Variants in PLEKHA5 observed in about 807,000 individuals in gnomAD.
PLEKHA5 encodes pleckstrin homology domain containing A5, also known as pleckstrin homology domain-containing family A member 5.
A neutral mutation model predicts 181.9 loss-of-function variants in PLEKHA5; 55 were observed. The ratio of observed to expected loss-of-function variants is 0.30; its 90% confidence interval spans 0.24 to 0.38. The LOEUF is 0.38. Among genes scored for constraint, PLEKHA5 ranks in the 10% least tolerant of loss-of-function variants. The probability of loss-of-function intolerance (pLI) is 1.00; values close to 1 mark genes in which losing one functional copy is unlikely to be tolerated. For synonymous variants in PLEKHA5, 535 were observed against 529.4 expected, an observed-to-expected ratio of 1.01 and a Z score of -0.15; for missense variants, 1,432 against 1,549.5, an observed-to-expected ratio of 0.92 and a Z score of 1.27.
intron 20 of PLEKHA5, among the ~76,000 whole-genome samples, chr12:19,327,863 T>A (rs1475791222): frequency 6.6e-6 from 1 of 152,132 alleles, no homozygotes; most frequent in Non-Finnish European, 1.5e-5. Context: ...CAGGCTGGTC[T>A]TGAACTCCAA....
chr12:19,281,964 C>A (rs1158660891), intron 11 of PLEKHA5, among the ~76,000 whole-genome samples: 1 of 151,698 alleles, frequency 6.6e-6, no homozygotes, highest in Non-Finnish European at 1.5e-5. Context: ...TTGTATTTTT[C>A]GAAGAGACGG....
At chr12:19,211,037 G>A (rs2056788128) in intron 3 of PLEKHA5, among the ~76,000 whole-genome samples, 1 of 152,000 alleles carries the variant, frequency 6.6e-6, no homozygotes, top group South Asian at 2.1e-4. Context: ...GCTTAAGGAG[G>A]TATTGTCTAG....
At chr12:19,343,230 T>G in intron 21 of PLEKHA5, 93 bp from the exon 22 acceptor site, 2 of 664,472 alleles carry the variant, frequency 3.0e-6, no homozygotes, top group Non-Finnish European at 4.9e-6. Flanking sequence ...CAATTTGCAT[T>G]TTTAGATGTA....
chr12:19,297,491 G>A (rs1270094561), intron 15 of PLEKHA5, among the ~76,000 whole-genome samples: 1 of 150,770 alleles, frequency 6.6e-6, no homozygotes. Flanking sequence ...GCGCGGTGGC[G>A]GGCGCCTGTA....
chr12:19,295,844 C>T (rs1338346461), intron 15 of PLEKHA5, among the ~76,000 whole-genome samples: 1 of 152,124 alleles, frequency 6.6e-6, no homozygotes, highest in East Asian at 1.9e-4. Context: ...CAAGCCAGGC[C>T]ATGAAAGATA....
intron 3 of PLEKHA5, among the ~76,000 whole-genome samples, chr12:19,132,923 C>CTTTT: frequency 8.5e-6 from 1 of 118,264 alleles, no homozygotes; most frequent in Non-Finnish European, 1.8e-5. Flanking sequence ...ACGTGAACAT[C>CTTTT]TTTTTTTTTT....
chr12:19,131,526 T>C (rs1268299800), intron 2 of PLEKHA5, among the ~76,000 whole-genome samples: 5 of 152,234 alleles, frequency 3.3e-5, no homozygotes, highest in African/African-American at 1.2e-4. Context: ...ATGATAGATT[T>C]ATTTCATGAA....
chr12:19,271,382 G>A (rs1288363884), intron 10 of PLEKHA5, among the ~76,000 whole-genome samples: 1 of 152,076 alleles, frequency 6.6e-6, no homozygotes, highest in Non-Finnish European at 1.5e-5. Flanking sequence ...CCACACTCTT[G>A]TAGTCCCTGC....
chr12:19,257,930 T>C (rs1042653880), intron 6 of PLEKHA5, among the ~76,000 whole-genome samples: 9 of 152,018 alleles, frequency 5.9e-5, no homozygotes, highest in Non-Finnish European at 1.2e-4. Flanking sequence ...TAGAGAAATA[T>C]ACAGTTGTAT....
intron 20 of PLEKHA5, among the ~76,000 whole-genome samples, chr12:19,328,522 A>G (rs2092488304): frequency 6.6e-6 from 1 of 151,712 alleles, no homozygotes; most frequent in African/African-American, 2.4e-5. Flanking sequence ...CTTCCTATAG[A>G]CATCTTTCAC....
chr12:19,129,909 C>A, intron 1 of PLEKHA5, 21 bp downstream of exon 1: 2 of 1,571,560 alleles, frequency 1.3e-6, no homozygotes, highest in South Asian at 1.1e-5. Flanking sequence ...GGGGACGGCA[C>A]GGGGGCCCGC....
At chr12:19,248,838 G>A (rs2064456774) in intron 3 of PLEKHA5, among the ~76,000 whole-genome samples, 1 of 152,106 alleles carries the variant, frequency 6.6e-6, no homozygotes, top group African/African-American at 2.4e-5. Flanking sequence ...TAGGCACGAA[G>A]TTAAACTTTT....
intron 11 of PLEKHA5, among the ~76,000 whole-genome samples, chr12:19,279,130 A>G (rs2075384943): frequency 6.6e-6 from 1 of 152,332 alleles, no homozygotes; most frequent in Admixed American, 6.5e-5. Flanking sequence ...CTCTGGTGCG[A>G]TAAGATTATA....
chr12:19,225,461 G>T (rs1475682779), intron 3 of PLEKHA5, among the ~76,000 whole-genome samples: 1 of 152,100 alleles, frequency 6.6e-6, no homozygotes, highest in Non-Finnish European at 1.5e-5. Flanking sequence ...AGCATTTGTG[G>T]AGTTTTAGTA....
At position 19,269,682 on chromosome 12, in the gene PLEKHA5, T is replaced by C. The variant is rs1047128730; in HGVS notation, c.712-88T>C. On this transcript the variant is annotated intron_variant, in intron 8 of 31. Coordinates refer to ENST00000429027, the MANE Select transcript of PLEKHA5 (RefSeq NM_001256470.2). Reference sequence around the variant, plus strand: ...TTTCTCTGAAATTTGATAGCAACGTTCTATGTCAGGAATCACTTACCTTTT... The same window carrying C: ...TTTCTCTGAAATTTGATAGCAACGTCCTATGTCAGGAATCACTTACCTTTT... The C allele has an allele frequency of 3.9e-5, 24 of 616,874 alleles. No homozygotes were observed. In the African/African-American group the frequency reaches 4.5e-4, roughly 11 times the overall value. The allele number at this position is 616,874 out of a possible 1,614,324, so 38.2% of individuals were successfully genotyped here.
chr12:19,223,738 A>T (rs906426061), intron 3 of PLEKHA5, among the ~76,000 whole-genome samples: 2 of 152,158 alleles, frequency 1.3e-5, no homozygotes, highest in African/African-American at 4.8e-5. Flanking sequence ...ATCAGAGATT[A>T]ACTCAAAACA....
intron 3 of PLEKHA5, among the ~76,000 whole-genome samples, chr12:19,158,440 T>C (rs561546943): frequency 4.7e-4 from 72 of 152,372 alleles, no homozygotes; most frequent in Non-Finnish European, 6.8e-4. Flanking sequence ...GGCTGTGGTA[T>C]GCTGGTGGCA....
chr12:19,355,609 G>A (rs2094885475), intron 26 of PLEKHA5, among the ~76,000 whole-genome samples: 1 of 151,120 alleles, frequency 6.6e-6, no homozygotes, highest in Non-Finnish European at 1.5e-5. Flanking sequence ...CAACTACAAA[G>A]TACATGCCAA....
In PLEKHA5 at chr12:19,346,021, G is replaced by A. The variant is rs148544879; in HGVS notation, c.2709+133G>A. On this transcript the variant is annotated intron_variant, in intron 23 of 31. Coordinates refer to ENST00000429027, the MANE Select transcript of PLEKHA5 (RefSeq NM_001256470.2). Reference sequence around the variant, plus strand: ...ATTGAACAGATATTGTTTTAGTCTTGAAATTTTATTGGATCAGTAATTTGG... The same window carrying A: ...ATTGAACAGATATTGTTTTAGTCTTAAAATTTTATTGGATCAGTAATTTGG... The A allele has an allele frequency of 1.9e-3, 839 of 440,692 alleles. 5 individuals carry two copies. Among genetic ancestry groups the A allele is most frequent in the African/African-American group, 0.016 (780 of 48,046 alleles). 27.3% of individuals were successfully genotyped at this position (440,692 alleles called of 1,614,324 possible).
Sources: gnomAD v4.1 joint callset for allele counts (sites outside exome capture counted in the v4.1 genomes callset) on GRCh38, gnomAD v4.1.1 for gene constraint, MANE v1.5 for transcripts, NCBI Gene and HGNC (gene_info 2026-07-23, HGNC 2026-07-21) for gene names.